The following LRRC7 variants were observed in gnomAD, a reference collection of about 807,000 sequenced individuals.
LRRC7 encodes the protein leucine-rich repeat-containing protein 7.
Under a neutral mutation model 175.7 loss-of-function variants are expected in LRRC7, and 23 were observed. The observed-to-expected ratio is 0.13, with a 90% CI of 0.09 to 0.19. LRRC7 has a LOEUF of 0.19. Among genes scored for constraint, LRRC7 ranks in the 10% least tolerant of loss-of-function variants. The probability of loss-of-function intolerance (pLI) is 1.00; values close to 1 mark genes in which losing one functional copy is unlikely to be tolerated. For synonymous variants in LRRC7, 685 were observed against 680.9 expected, an observed-to-expected ratio of 1.01 and a Z score of -0.09; for missense variants, 1,354 against 1,904.7, an observed-to-expected ratio of 0.71 and a Z score of 5.38.
intron 4 of LRRC7, among the ~76,000 whole-genome samples, chr1:69,821,213 CT>C (rs1679255583): frequency 6.6e-6 from 1 of 151,884 alleles, no homozygotes. Flanking sequence ...TTCTATAATC[CT>C]TATTTTATTT....
chr1:70,109,410 A>G (rs934281559), intron 26 of LRRC7, among the ~76,000 whole-genome samples: 1 of 152,218 alleles, frequency 6.6e-6, no homozygotes, highest in Non-Finnish European at 1.5e-5. Flanking sequence ...TGTTTAAGCT[A>G]CTTCAGCCTG....
chr1:70,012,064 CTAAT>C lies in LRRC7; in HGVS notation c.1134+141_1134+144del, dbSNP rs1656564102. 6.5e-6 allele frequency: 3 copies of C among 464,580 alleles called. No homozygotes were observed. In the Admixed American group the frequency reaches 1.2e-4, roughly 19 times the overall value. The allele number at this position is 464,580 out of a possible 1,614,324, so 28.8% of individuals were successfully genotyped here. A position where few individuals can be genotyped will look rare whatever the true frequency, so the allele number is the denominator to read the frequency against. ...TAGGAATTATCTACATATATATTTG[CTAAT>C]TATTCTATTTTAAATGACAAGTTCT... On this transcript the variant is annotated intron_variant, in intron 12 of 26. Coordinates refer to ENST00000651989, the MANE Select transcript of LRRC7 (RefSeq NM_001370785.2).
intron 3 of LRRC7, among the ~76,000 whole-genome samples, chr1:69,778,255 C>T (rs1213324796): frequency 6.6e-6 from 1 of 152,142 alleles, no homozygotes; most frequent in Non-Finnish European, 1.5e-5. Context: ...AAACCTGTGG[C>T]AATTATTCAT....
chr1:69,773,665 C>T (rs1446588193), intron 3 of LRRC7, among the ~76,000 whole-genome samples: 65 of 152,030 alleles, frequency 4.3e-4, no homozygotes, highest in Admixed American at 4.1e-3. Flanking sequence ...CAGAAGAAAC[C>T]GAAAAGACAG....
intron 2 of LRRC7, among the ~76,000 whole-genome samples, chr1:69,730,949 A>G (rs1071873): frequency 0.58 from 88,074 of 151,848 alleles, 27,323 homozygotes; most frequent in East Asian, 0.89. Context: ...AAGAATATCT[A>G]TCTTCACATG....
intron 4 of LRRC7, among the ~76,000 whole-genome samples, chr1:69,795,227 A>C (rs1470751891): frequency 2.0e-5 from 3 of 152,142 alleles, no homozygotes; most frequent in African/African-American, 7.2e-5. Context: ...TAAAAATATA[A>C]AAATTAGCTG....
Position 69,990,518 on chromosome 1 carries a change from T to C in LRRC7, c.932-4043T>C, listed in dbSNP as rs184119965. On this transcript the variant is annotated intron_variant, in intron 10 of 26. Coordinates refer to ENST00000651989, the MANE Select transcript of LRRC7 (RefSeq NM_001370785.2). ...TTAGTGCCTGTAAAGAGGAATCTTT[T>C]ATATTTAAAATGTTTAGACAGGATT... is the stretch of plus-strand genomic sequence containing the variant. Among the ~76,000 whole-genome samples the C allele has an allele frequency of 5.7e-4, 86 of 152,212 alleles. 2 individuals carry two copies. The highest frequency in any genetic ancestry group is 1.0e-3 in the Non-Finnish European group (69 of 67,970).
intron 7 of LRRC7, among the ~76,000 whole-genome samples, chr1:69,854,555 A>G (rs1401278248): frequency 6.6e-6 from 1 of 152,060 alleles, no homozygotes; most frequent in Non-Finnish European, 1.5e-5. Flanking sequence ...GGTAATGATA[A>G]ACTACCTATT....
intron 1 of LRRC7, among the ~76,000 whole-genome samples, chr1:69,663,568 A>G (rs1232343841): frequency 3.3e-5 from 5 of 151,990 alleles, no homozygotes; most frequent in Admixed American, 6.6e-5. Flanking sequence ...ATTTAATACT[A>G]GGTCTTATTT....
chr1:69,694,553 T>A (rs1189905202), intron 2 of LRRC7, among the ~76,000 whole-genome samples: 2 of 152,154 alleles, frequency 1.3e-5, no homozygotes, highest in African/African-American at 4.8e-5. Flanking sequence ...GGTTTGGATA[T>A]TTTCTTCCCT....
At chr1:69,971,389 A>G (rs1477835303) in intron 8 of LRRC7, among the ~76,000 whole-genome samples, 2 of 152,198 alleles carry the variant, frequency 1.3e-5, no homozygotes, top group African/African-American at 4.8e-5. Context: ...ACTACTCCAG[A>G]AAGCTCCTAG....
At chr1:69,773,091 C>T (rs915009822) in intron 3 of LRRC7, among the ~76,000 whole-genome samples, 7 of 151,996 alleles carry the variant, frequency 4.6e-5, no homozygotes, top group Admixed American at 2.0e-4. Context: ...ATGGGACCAG[C>T]TAGAAAAGTG....
intron 17 of LRRC7, among the ~76,000 whole-genome samples, chr1:70,024,014 T>G (rs1416657107): frequency 6.6e-6 from 1 of 152,058 alleles, no homozygotes; most frequent in African/African-American, 2.4e-5. Flanking sequence ...TACTGGAATA[T>G]GAAAGAACAC....
At chr1:70,084,377 C>G (rs1362359027) in intron 24 of LRRC7, among the ~76,000 whole-genome samples, 1 of 152,126 alleles carries the variant, frequency 6.6e-6, no homozygotes, top group Non-Finnish European at 1.5e-5. Context: ...ATATATTTGC[C>G]TATTCTGGAC....
chr1:69,879,100 A>G, intron 7 of LRRC7, among the ~76,000 whole-genome samples: 1 of 149,546 alleles, frequency 6.7e-6, no homozygotes, highest in Non-Finnish European at 1.5e-5. Flanking sequence ...ACAATGTACC[A>G]CTCAGGCCGG....
At chr1:69,750,804 T>C (rs1669777576) in intron 2 of LRRC7, among the ~76,000 whole-genome samples, 1 of 152,172 alleles carries the variant, frequency 6.6e-6, no homozygotes, top group South Asian at 2.1e-4. Flanking sequence ...AAGGCATTAA[T>C]CCATTCATGA....
chr1:70,022,131 C>T (rs954385717), intron 16 of LRRC7: 8 of 152,054 alleles, frequency 5.3e-5, no homozygotes, highest in Non-Finnish European at 1.2e-4. Flanking sequence ...TCCAAAATAA[C>T]AATTTTGTTA....
chr1:70,105,164 T>C (rs567746119), intron 25 of LRRC7, among the ~76,000 whole-genome samples: 2 of 152,322 alleles, frequency 1.3e-5, no homozygotes, highest in Non-Finnish European at 2.9e-5. Flanking sequence ...TTATATTTGT[T>C]GTCACAACTA....
At chr1:69,718,027 A>G (rs943814116) in intron 2 of LRRC7, among the ~76,000 whole-genome samples, 8 of 149,316 alleles carry the variant, frequency 5.4e-5, no homozygotes, top group Non-Finnish European at 1.2e-4. Flanking sequence ...GACTAGAAAG[A>G]AAAAGAAGAA....
Sources: allele counts gnomAD v4.1 joint callset (sites outside exome capture counted in the v4.1 genomes callset), GRCh38; gene constraint gnomAD v4.1.1; transcripts MANE v1.5; gene names NCBI Gene and HGNC (gene_info 2026-07-23, HGNC 2026-07-21).